Variants in ERN1 observed in about 807,000 individuals in gnomAD.
ERN1 encodes the protein endoplasmic reticulum to nucleus signaling 1.
ERN1 carries 39 observed loss-of-function variants against 113.1 expected under a neutral mutation model. The observed-to-expected ratio is 0.34, with a 90% confidence interval of 0.27 to 0.45. The LOEUF (loss-of-function observed/expected upper bound fraction) is 0.45, where lower values mean the gene tolerates loss of function less well. Among genes scored for constraint, ERN1 ranks in the 20% least tolerant of loss-of-function variants. The pLI is 1.00. For synonymous variants in ERN1, 507 were observed against 515.9 expected (o/e 0.98, Z 0.23); for missense variants, 976 against 1,274.8 (o/e 0.77, Z 3.57).
At chr17:64,103,362 T>C (rs1181024433) in intron 1 of ERN1, among the ~76,000 whole-genome samples, 4 of 152,032 alleles carry the variant, frequency 2.6e-5, no homozygotes, top group African/African-American at 9.7e-5. Context: ...CTGGATGTGG[T>C]GGCAGTCACC....
chr17:64,056,366 C>A (rs1447533665), intron 12 of ERN1, among the ~76,000 whole-genome samples: 5 of 152,248 alleles, frequency 3.3e-5, no homozygotes, highest in Non-Finnish European at 7.3e-5. Context: ...GTTCGCCACC[C>A]ACCGTGTCTG....
chr17:64,057,936 C>A lies in ERN1; in HGVS notation c.1264G>T (p.Val422Leu), dbSNP rs1464963254. The A allele has an allele frequency of 1.9e-6, 3 of 1,608,140 alleles. No individual in the cohort carries two copies. The highest frequency in any genetic ancestry group is 2.5e-6 in the Non-Finnish European group (3 of 1,177,236). ...GGGGCATGGGCGGGCTTCTCCTCCA[C>A]ATCCCGAGACACGGTGGTAGGTGCG... ...ENAPTTVSRD[V>L]EEKPAHAPAR... Residue 422 changes from valine to leucine, a missense_variant, in exon 12 of 22, where the codon GTG (valine) becomes TTG (leucine). This residue lies in a region of ERN1 where 459 missense variants were observed against 581.2 expected (regional missense o/e 0.79). Coordinates refer to ENST00000433197, the MANE Select transcript of ERN1 (RefSeq NM_001433.5).
intron 18 of ERN1, among the ~76,000 whole-genome samples, chr17:64,048,326 G>A (rs907484868): frequency 7.2e-5 from 11 of 152,164 alleles, no homozygotes; most frequent in Admixed American, 2.0e-4. Flanking sequence ...CGTGCATGCT[G>A]CAAAACAGTA....
chr17:64,055,590 T>C (rs1912834205), intron 13 of ERN1, 85 bp downstream of exon 13: 1 of 1,285,766 alleles, frequency 7.8e-7, no homozygotes, highest in Non-Finnish European at 1.0e-6. Context: ...GAATGGTAGT[T>C]TACAATCTTA....
chr17:64,120,311 T>C (rs1185476985), intron 1 of ERN1, among the ~76,000 whole-genome samples: 1 of 152,174 alleles, frequency 6.6e-6, no homozygotes, highest in Non-Finnish European at 1.5e-5. Context: ...GAGATCTGAT[T>C]TACCTTGGTC....
intron 1 of ERN1, among the ~76,000 whole-genome samples, chr17:64,113,514 CTT>C (rs796302193): frequency 6.9e-6 from 1 of 145,006 alleles, no homozygotes; most frequent in Non-Finnish European, 1.5e-5. Context: ...TTACGTAAAT[CTT>C]TTTTTTTTTT....
chr17:64,098,506 C>A (rs764088694), intron 1 of ERN1: 2 of 653,666 alleles, frequency 3.1e-6, no homozygotes, highest in Non-Finnish European at 5.8e-6. Flanking sequence ...CCATGGGCAA[C>A]CTCCACTGAA....
rs1555615552 is a variant in ERN1, at chr17:64,075,258, A to AAAG, written c.283-12_283-11insCTT. ...GGTAAAAGGAAGTTTCTTTAAAAAA[A>AAAG]AAAAAAAAGAAAAAAAAAAGTTAAC... On this transcript the variant is annotated splice_polypyrimidine_tract_variant and intron_variant, in intron 4 of 21. Transcript: ENST00000433197. 1.3e-6 allele frequency: 2 copies of AAAG among 1,490,894 alleles called. No homozygotes were observed. The highest frequency in any genetic ancestry group is 1.8e-6 in the Non-Finnish European group (2 of 1,126,532). The allele number at this position is 1,490,894 out of a possible 1,614,324, so 92.4% of individuals were successfully genotyped here.
chr17:64,123,286 G>C (rs1032269462), intron 1 of ERN1, among the ~76,000 whole-genome samples: 1 of 152,186 alleles, frequency 6.6e-6, no homozygotes, highest in Non-Finnish European at 1.5e-5. Context: ...ATTTCAGGGT[G>C]CTCATGGGTG....
At chr17:64,070,997 A>G (rs1913396148) in intron 6 of ERN1, among the ~76,000 whole-genome samples, 1 of 152,196 alleles carries the variant, frequency 6.6e-6, no homozygotes, top group Admixed American at 6.5e-5. Flanking sequence ...CCCTCAGGGA[A>G]CTGATATTCT....
At chr17:64,103,099 G>A in intron 1 of ERN1, 1 of 272,242 alleles carries the variant, frequency 3.7e-6, no homozygotes, top group Non-Finnish European at 5.6e-6. Flanking sequence ...CAGTATAAGG[G>A]TCCTCACTGC....
chr17:64,093,697 A>G (rs1261808770), intron 2 of ERN1, among the ~76,000 whole-genome samples: 5 of 152,126 alleles, frequency 3.3e-5, no homozygotes, highest in African/African-American at 9.7e-5. Flanking sequence ...TTATCTCCCA[A>G]AGGCCCCATC....
intron 1 of ERN1, among the ~76,000 whole-genome samples, chr17:64,102,140 G>A (rs1458060429): frequency 6.6e-6 from 1 of 152,068 alleles, no homozygotes; most frequent in African/African-American, 2.4e-5. Flanking sequence ...TAAAAAATCA[G>A]CCAGGCCTGG....
At chr17:64,092,052 G>T (rs993052121) in intron 2 of ERN1, among the ~76,000 whole-genome samples, 3 of 152,126 alleles carry the variant, frequency 2.0e-5, no homozygotes, top group African/African-American at 7.2e-5. Context: ...CTTTTTGGGG[G>T]TGTATCTGAG....
chr17:64,103,947 A>G (rs1486487591), intron 1 of ERN1, among the ~76,000 whole-genome samples: 1 of 151,948 alleles, frequency 6.6e-6, no homozygotes, highest in Non-Finnish European at 1.5e-5. Context: ...CCAGCAAAAA[A>G]ACCACAGCTT....
intron 12 of ERN1, among the ~76,000 whole-genome samples, chr17:64,057,250 A>T (rs1169894093): frequency 1.3e-5 from 2 of 152,250 alleles, no homozygotes; most frequent in African/African-American, 2.4e-5. Context: ...AAGGCTTATA[A>T]ATCAGCTCTT....
At chr17:64,099,794 T>C (rs1285564070) in intron 1 of ERN1, among the ~76,000 whole-genome samples, 1 of 152,156 alleles carries the variant, frequency 6.6e-6, no homozygotes, top group East Asian at 1.9e-4. Context: ...GTATTCCTTT[T>C]CTGTGGTGGA....
At chr17:64,067,047 A>AT in intron 7 of ERN1, 115 bp from the exon 8 acceptor site, 1 of 1,132,662 alleles carries the variant, frequency 8.8e-7, no homozygotes, top group Non-Finnish European at 1.3e-6. Context: ...CTTCTGGAAT[A>AT]TTCTCAGATC....
intron 1 of ERN1, among the ~76,000 whole-genome samples, chr17:64,124,519 C>A (rs530922674): frequency 1.3e-5 from 2 of 152,238 alleles, no homozygotes; most frequent in African/African-American, 4.8e-5. Flanking sequence ...ATAAGTCTCA[C>A]GAGATTTGAT....
Sources: gnomAD v4.1 joint callset for allele counts (sites outside exome capture counted in the v4.1 genomes callset) on GRCh38, gnomAD v4.1.1 for gene constraint, gnomAD v4.1.1 regional missense constraint, MANE v1.5 for transcripts, NCBI Gene and HGNC (gene_info 2026-07-23, HGNC 2026-07-21) for gene names.